The following RGS12 variants were observed in gnomAD, a reference collection of about 807,000 sequenced individuals.
The protein encoded by RGS12 is regulator of G protein signaling 12.
Under a neutral mutation model 120.1 loss-of-function variants are expected in RGS12, and 66 were observed. The ratio of observed to expected loss-of-function variants is 0.55; its 90% CI spans 0.45 to 0.67. The LOEUF (loss-of-function observed/expected upper bound fraction) is 0.67. Ranked by LOEUF, RGS12 falls within the 30% of genes least tolerant of loss-of-function variation. RGS12 has a pLI of 0.00. For synonymous variants in RGS12, 827 were observed against 804.7 expected, an observed-to-expected ratio of 1.03 and a Z score of -0.47; for missense variants, 1,859 against 1,957.7, an observed-to-expected ratio of 0.95 and a Z score of 0.95.
chr4:3,423,507 C>A lies in RGS12; in HGVS notation c.3108-8C>A, dbSNP rs763930476. The stretch of plus-strand genomic sequence containing the variant: ...GAGTTGGTAGTGAATTTTTTCATCC[C>A]CCACCAGGCTGGATCTTGTTCCGAT... On this transcript the variant is annotated splice_polypyrimidine_tract_variant and splice_region_variant and intron_variant, in intron 12 of 17. Transcript: ENST00000336727. 51 of 1,612,698 alleles carry A rather than the reference C, an allele frequency of 3.2e-5. No homozygotes were observed. The East Asian group carries it at 1.1e-3, about 35-fold the overall frequency.
At chr4:3,315,478 T>C (rs578126286) in intron 1 of RGS12, among the ~76,000 whole-genome samples, 3 of 152,296 alleles carry the variant, frequency 2.0e-5, no homozygotes, top group East Asian at 3.9e-4. Context: ...TAATACGTTT[T>C]CCCCCACACA....
chr4:3,407,379 G>A (rs959013357), intron 4 of RGS12: 1 of 152,314 alleles, frequency 6.6e-6, no homozygotes, highest in African/African-American at 2.4e-5. Flanking sequence ...GGGATCGCGG[G>A]AGAAACTGCA....
chr4:3,300,280 T>G (rs1466489736), intron 1 of RGS12, among the ~76,000 whole-genome samples: 1 of 151,932 alleles, frequency 6.6e-6, no homozygotes, highest in Non-Finnish European at 1.5e-5. Context: ...TGAGCTGGAG[T>G]GCAGTGAAGG....
chr4:3,320,580 G>A (rs1396811506), intron 2 of RGS12, among the ~76,000 whole-genome samples: 3 of 152,208 alleles, frequency 2.0e-5, no homozygotes, highest in African/African-American at 2.4e-5. Context: ...GATTTGGAGT[G>A]GCCTTCATAA....
At chr4:3,400,585 G>C (rs1220510982) in intron 4 of RGS12, among the ~76,000 whole-genome samples, 5 of 149,592 alleles carry the variant, frequency 3.3e-5, no homozygotes, top group Admixed American at 2.0e-4. Context: ...TAGAATACAT[G>C]AATGTACTCT....
chr4:3,342,801 G>A lies in RGS12; in HGVS notation c.1882-136G>A, dbSNP rs1713375619. 1.1e-5 allele frequency: 8 copies of A among 745,808 alleles called. No homozygotes were observed. In the Admixed American group the frequency reaches 1.2e-4, roughly 11 times the overall value. The allele number at this position is 745,808 out of a possible 1,614,324, so 46.2% of individuals were successfully genotyped here. A position where few individuals can be genotyped will look rare whatever the true frequency, so the allele number is the denominator to read the frequency against. ...AAAATATACCTAAGATTTACCCTGG[G>A]ATGACTTTTAAATCTCTCTTTTTAA... On this transcript the variant is annotated intron_variant, in intron 2 of 17. Coordinates refer to ENST00000336727, the MANE Select transcript of RGS12 (RefSeq NM_001394154.1).
chr4:3,407,492 G>C (rs763280322), intron 4 of RGS12: 3 of 152,394 alleles, frequency 2.0e-5, no homozygotes, highest in Admixed American at 6.5e-5. Context: ...CCCTGGTATG[G>C]ACTCAGAGGG....
intron 3 of RGS12, among the ~76,000 whole-genome samples, chr4:3,359,812 A>G (rs147362143): frequency 0.026 from 4,007 of 151,610 alleles, 172 homozygotes; most frequent in African/African-American, 0.092. Flanking sequence ...TAGTAGAGAT[A>G]GGGTTTCGCC....
intron 3 of RGS12, 117 bp from the exon 4 acceptor site, chr4:3,386,299 G>A: frequency 1.0e-6 from 1 of 953,518 alleles, no homozygotes. Context: ...TCCACCTGGA[G>A]AGTGCCTCTG....
At chr4:3,333,434 G>A (rs771318315) in intron 2 of RGS12, among the ~76,000 whole-genome samples, 8 of 152,206 alleles carry the variant, frequency 5.3e-5, no homozygotes, top group Non-Finnish European at 8.8e-5. Flanking sequence ...CACTGCACCC[G>A]GTCTGTGTCT....
upstream of RGS12, among the ~76,000 whole-genome samples, chr4:3,292,061 GGCCGAGT>G (rs893679192): frequency 1.3e-5 from 2 of 152,250 alleles, no homozygotes; most frequent in African/African-American, 4.8e-5. Flanking sequence ...ACCCGAGAGG[GGCCGAGT>G]CCCTGGGCGG....
At position 3,405,895 on chromosome 4, in the gene RGS12, A is replaced by G. The variant is rs1721066069; in HGVS notation, c.2021-8177A>G. ...CTTATAATTTTTCTGCAAGTTTGAA[A>G]TTATTTCAAAAGAAAAAGTTGCCCC... On this transcript the variant is annotated intron_variant, in intron 4 of 17. Coordinates refer to ENST00000336727, the MANE Select transcript of RGS12 (RefSeq NM_001394154.1). 2.0e-5 allele frequency among the ~76,000 whole-genome samples: 3 copies of G among 148,368 alleles called. No individual in the cohort carries two copies. In the South Asian group the frequency reaches 6.5e-4, roughly 32 times the overall value.
rs541069293 is a variant in RGS12, at chr4:3,366,451, C to T, written c.1999-19965C>T. On this transcript the variant is annotated intron_variant, in intron 3 of 17. Transcript: ENST00000336727. The surrounding 1 kb of genome is among the most constrained non-coding windows in gnomAD (Gnocchi z 4.0). Reference sequence around the variant, plus strand: ...ATCTGTGAGCTCTGCAGATGTCTCCCGGGCACAGTCAGCAGAGGCGCTCCT... The same window carrying T: ...ATCTGTGAGCTCTGCAGATGTCTCCTGGGCACAGTCAGCAGAGGCGCTCCT... Among the ~76,000 whole-genome samples the T allele has an allele frequency of 2.2e-4, 33 of 152,196 alleles. No individual in the cohort carries two copies. The South Asian group carries it at 2.9e-3, about 13-fold the overall frequency.
intron 16 of RGS12, 125 bp from the exon 17 acceptor site, chr4:3,430,282 T>C: frequency 1.2e-6 from 1 of 836,576 alleles, no homozygotes; most frequent in Non-Finnish European, 1.9e-6. Context: ...AAAGGGCTCT[T>C]GTTGACCCAC....
intron 4 of RGS12, among the ~76,000 whole-genome samples, chr4:3,409,671 C>T (rs538018220): frequency 3.9e-4 from 59 of 152,334 alleles, no homozygotes; most frequent in East Asian, 3.1e-3. Flanking sequence ...TCCCCTCCAC[C>T]GGCAGCAAGG....
chr4:3,332,250 A>T (rs1219119062), intron 2 of RGS12, among the ~76,000 whole-genome samples: 14 of 152,220 alleles, frequency 9.2e-5, no homozygotes. Context: ...GAAGTGTCTT[A>T]AGAGTTGGAA....
In RGS12 at chr4:3,366,933, G is replaced by A. The variant is rs917616768; in HGVS notation, c.1999-19483G>A. Among the ~76,000 whole-genome samples, 11 of 152,176 alleles carry A rather than the reference G, an allele frequency of 7.2e-5. No homozygotes were observed. The highest frequency in any genetic ancestry group is 1.6e-4 in the Non-Finnish European group (11 of 68,024). On this transcript the variant is annotated intron_variant, in intron 3 of 17. Transcript: ENST00000336727. This position sits in a 1 kb window ranked among gnomAD's most constrained non-coding sequence, Gnocchi z 4.0. ...CTCCTGGCCCCAGGACATAGCCCAC[G>A]TGGGTCCTCACCTCTGCCCGGCTCA...
At chr4:3,342,027 G>A (rs564713745) in intron 2 of RGS12, among the ~76,000 whole-genome samples, 22 of 151,826 alleles carry the variant, frequency 1.4e-4, no homozygotes, top group Non-Finnish European at 3.1e-4. Flanking sequence ...GGGAGAGGCG[G>A]GAGGGTGGCC....
intron 4 of RGS12, among the ~76,000 whole-genome samples, chr4:3,404,027 T>A (rs184393429): frequency 5.9e-4 from 90 of 152,320 alleles, no homozygotes; most frequent in African/African-American, 2.1e-3. Flanking sequence ...TGTGCAGAAC[T>A]TAGGTTCCAG....
Sources: allele counts gnomAD v4.1 joint callset (sites outside exome capture counted in the v4.1 genomes callset), GRCh38; gene constraint gnomAD v4.1.1; non-coding constraint Gnocchi (gnomAD v3.1); transcripts MANE v1.5; gene names NCBI Gene and HGNC (gene_info 2026-07-23, HGNC 2026-07-21).